SBK1: variants seen among roughly 807,000 people sequenced by gnomAD.
SBK1 encodes the protein serine/threonine-protein kinase SBK1.
Under a neutral mutation model 24.4 loss-of-function variants are expected in SBK1, and 11 were observed. The ratio of observed to expected loss-of-function variants is 0.45; its 90% confidence interval spans 0.28 to 0.75. The LOEUF (loss-of-function observed/expected upper bound fraction) is 0.75. Among genes scored for constraint, SBK1 ranks in the 30% least tolerant of loss-of-function variants. The pLI is 0.12. For missense variants in SBK1, 467 were observed against 620.5 expected (o/e 0.75, Z 2.63); for synonymous variants, 308 against 284.4 (o/e 1.08, Z -0.83).
At chr16:28,313,458 G>A (rs183827660) in intron 1 of SBK1, among the ~76,000 whole-genome samples, 8 of 151,972 alleles carry the variant, frequency 5.3e-5, no homozygotes, top group Admixed American at 3.9e-4. Flanking sequence ...TTAGCCAGGT[G>A]TGGTGGCGTA....
chr16:28,273,295 A>C (rs1408221873), intron 1 of SBK1, among the ~76,000 whole-genome samples: 1 of 151,574 alleles, frequency 6.6e-6, no homozygotes, highest in Non-Finnish European at 1.5e-5. Flanking sequence ...GTCTCGGCTC[A>C]CTGCAACTTC....
rs977872067 is a variant in SBK1 at position 28,292,548 on chromosome 16, G to T, written c.-760G>T. ...GCGATGCCGCGATGGAGCGCAGCCC[G>T]GGCGGGCGCCGGGGCCGGGGCCCGA... On this transcript the variant is annotated 5_prime_UTR_variant, in exon 1 of 4. Coordinates refer to ENST00000341901, the MANE Select transcript of SBK1 (RefSeq NM_001024401.3). 5.1e-6 allele frequency: 5 copies of T among 979,290 alleles called. No individual in the cohort carries two copies. Among genetic ancestry groups the T allele is most frequent in the South Asian group, 4.6e-5 (1 of 21,540 alleles). The allele number at this position is 979,290 out of a possible 1,614,324, so 60.7% of individuals were successfully genotyped here.
chr16:28,290,526 TCA>T (rs2141573909), upstream of SBK1: 1 of 152,286 alleles, frequency 6.6e-6, no homozygotes, highest in African/African-American at 2.4e-5. Flanking sequence ...TCCCAGCTAC[TCA>T]GGAGGCTGAG....
chr16:28,273,116 G>A lies in SBK1; in HGVS notation c.257+13614G>A, dbSNP rs911996786. Among the ~76,000 whole-genome samples, 8 of 151,700 alleles carry A rather than the reference G, an allele frequency of 5.3e-5. No homozygotes were observed. The East Asian group carries it at 1.5e-3, about 29-fold the overall frequency. Reference sequence around the variant, plus strand: ...TTTAGAGACAGGGTCTCATTATGTTGCCCAGGCTGGTCTCGAACTCATGGC... The same window carrying A: ...TTTAGAGACAGGGTCTCATTATGTTACCCAGGCTGGTCTCGAACTCATGGC... On this transcript the variant is annotated intron_variant, in intron 1 of 3. Coordinates refer to the SBK1 transcript ENST00000671413.
At chr16:28,318,910 C>T in intron 2 of SBK1, 85 bp from the exon 3 acceptor site, 1 of 973,812 alleles carries the variant, frequency 1.0e-6, no homozygotes, top group Non-Finnish European at 1.7e-6. Context: ...CCTGTTGCAC[C>T]AGGGTCCAGA....
chr16:28,277,548 G>A (rs919089146), intron 1 of SBK1, among the ~76,000 whole-genome samples: 4 of 152,154 alleles, frequency 2.6e-5, no homozygotes, highest in Non-Finnish European at 5.9e-5. Flanking sequence ...GGTAGTGCTC[G>A]TCTGTAGTCC....
At chr16:28,280,679 T>G (rs940138804) in intron 1 of SBK1, among the ~76,000 whole-genome samples, 12 of 152,024 alleles carry the variant, frequency 7.9e-5, no homozygotes, top group African/African-American at 2.9e-4. Context: ...TTTATTTTAT[T>G]TCTGAGACAG....
intron 1 of SBK1, among the ~76,000 whole-genome samples, chr16:28,307,479 C>A (rs2044725252): frequency 6.6e-6 from 1 of 152,122 alleles, no homozygotes; most frequent in Non-Finnish European, 1.5e-5. Flanking sequence ...GTGGCTCACA[C>A]CTGAAATCCC....
chr16:28,277,318 A>G (rs1334182412), intron 1 of SBK1, among the ~76,000 whole-genome samples: 1 of 151,878 alleles, frequency 6.6e-6, no homozygotes, highest in Non-Finnish European at 1.5e-5. Flanking sequence ...TTTGAGAACC[A>G]CGGTGTAAAC....
intron 1 of SBK1, among the ~76,000 whole-genome samples, chr16:28,280,081 A>C (rs2044520248): frequency 7.5e-6 from 1 of 133,356 alleles, no homozygotes; most frequent in Non-Finnish European, 1.6e-5. Context: ...TCCTGGCTCA[A>C]TCTGGCCACC....
intron 1 of SBK1, among the ~76,000 whole-genome samples, chr16:28,311,700 A>G (rs1394938313): frequency 3.4e-5 from 5 of 149,188 alleles, no homozygotes; most frequent in Non-Finnish European, 7.5e-5. Flanking sequence ...CTATTTCTAA[A>G]AAAAAAAAAA....
In SBK1 at chr16:28,320,804, G is replaced by A. The variant is rs1156408147; in HGVS notation, c.1158G>A (p.Pro386=). The A allele has an allele frequency of 4.9e-6, 7 of 1,439,340 alleles. No individual in the cohort carries two copies. In the South Asian group the frequency reaches 6.3e-5, roughly 13 times the overall value. The allele number at this position is 1,439,340 out of a possible 1,614,324, so 89.2% of individuals were successfully genotyped here. A position where few individuals can be genotyped will look rare whatever the true frequency, so the allele number is the denominator to read the frequency against. Residue 386 remains proline, a synonymous_variant, in exon 4 of 4, where the codon CCG becomes CCA. Transcript: ENST00000341901. This position sits in a 1 kb window ranked among gnomAD's most constrained non-coding sequence, Gnocchi z 8.5. ...CGGTGCCGGTGCCAGTGCCCGTGCC[G>A]GTGCCTGTGCCCGAGCCCGGCCTAG... ...PVPVPVPVPV[P]VPVPEPGLAP...
chr16:28,309,673 G>C (rs2044740736), intron 1 of SBK1, among the ~76,000 whole-genome samples: 2 of 152,148 alleles, frequency 1.3e-5, no homozygotes, highest in African/African-American at 4.8e-5. Context: ...GAGGCAAGAG[G>C]ATCATTTGAG....
rs141425228 is a variant in SBK1, at chr16:28,319,999, G to C, written c.430-77G>C. Reference sequence around the variant, plus strand: ...GGGAGGCGAAAACCGCCTTGCTAGAGAGGGAGCTGGAGGGGAGGGCGGCGG... The same window carrying C: ...GGGAGGCGAAAACCGCCTTGCTAGACAGGGAGCTGGAGGGGAGGGCGGCGG... On this transcript the variant is annotated intron_variant, in intron 3 of 3. Coordinates refer to ENST00000341901, the MANE Select transcript of SBK1 (RefSeq NM_001024401.3). This position sits in a 1 kb window ranked among gnomAD's most constrained non-coding sequence, Gnocchi z 4.0. 1,722 of 1,381,808 alleles carry C rather than the reference G, an allele frequency of 1.2e-3. 17 individuals are homozygous for C. The African/African-American group carries it at 0.023, about 18-fold the overall frequency. 85.6% of individuals were successfully genotyped at this position (1,381,808 alleles called of 1,614,324 possible).
intron 1 of SBK1, among the ~76,000 whole-genome samples, chr16:28,270,949 C>T (rs28778109): frequency 0.97 from 147,141 of 152,062 alleles, 71,335 homozygotes; most frequent in East Asian, 1. Flanking sequence ...CTGCAAGCTC[C>T]GCCTCCCGGG....
At position 28,321,134 on chromosome 16, in the gene SBK1, C is replaced by T. The variant is rs1015839060; in HGVS notation, c.*213C>T. 8 of 380,154 alleles carry T rather than the reference C, an allele frequency of 2.1e-5. No individual in the cohort carries two copies. Among genetic ancestry groups the T allele is most frequent in the Non-Finnish European group, 3.2e-5 (7 of 215,470 alleles). The allele number at this position is 380,154 out of a possible 1,614,324, so 23.5% of individuals were successfully genotyped here. ...GCGGCCTGGTGAGCGGGGGCTTGGC[C>T]CAGAGGAGCCAAGCCGCACAGACCC... On this transcript the variant is annotated 3_prime_UTR_variant, in exon 4 of 4. Transcript: ENST00000341901.
chr16:28,313,698 G>A (rs1437818252), intron 1 of SBK1, among the ~76,000 whole-genome samples: 1 of 151,986 alleles, frequency 6.6e-6, no homozygotes, highest in African/African-American at 2.4e-5. Context: ...GCTGCAGGGC[G>A]GGGAGGGGAG....
At chr16:28,292,168 A>C (rs1303297623), upstream of SBK1, 2 of 150,442 alleles carry the variant, frequency 1.3e-5, no homozygotes, top group African/African-American at 2.5e-5. Context: ...AGGGCCCAGA[A>C]AGCTGGACCA....
At chr16:28,281,746 A>G (rs932035424) in intron 1 of SBK1, among the ~76,000 whole-genome samples, 1 of 152,082 alleles carries the variant, frequency 6.6e-6, no homozygotes, top group Non-Finnish European at 1.5e-5. Flanking sequence ...AAGGCTTAGA[A>G]CTCAGCCTGG....
Sources: allele counts gnomAD v4.1 joint callset (sites outside exome capture counted in the v4.1 genomes callset), GRCh38; gene constraint gnomAD v4.1.1; non-coding constraint Gnocchi (gnomAD v3.1); transcripts MANE v1.5; gene names NCBI Gene and HGNC (gene_info 2026-07-23, HGNC 2026-07-21).